The following VTN variants were observed in gnomAD, a reference collection of about 807,000 sequenced individuals.
VTN encodes the protein complement S-protein.
VTN carries 45 observed loss-of-function variants against 55.9 expected under a neutral mutation model. The observed-to-expected ratio is 0.80, with a 90% CI of 0.63 to 1.03. The LOEUF is 1.03. VTN is among the 50% of genes least tolerant of loss of function. The pLI, the probability that VTN is intolerant of heterozygous loss-of-function variation, is 0.00. For missense variants in VTN, 589 were observed against 638.2 expected, an observed-to-expected ratio of 0.92 and a Z score of 0.83; for synonymous variants, 238 against 242.3, an observed-to-expected ratio of 0.98 and a Z score of 0.17.
In VTN at chr17:28,367,846, C is replaced by T. The variant is rs201964332; in HGVS notation, c.1193G>A (p.Arg398His). Residue 398 changes from arginine to histidine, a missense_variant, in exon 7 of 8, where the codon CGC becomes CAC. This residue lies in a region of VTN where 334 missense variants were observed against 328.2 expected (regional missense o/e 1.02). Coordinates refer to ENST00000226218, the MANE Select transcript of VTN (RefSeq NM_000638.4). Reference protein sequence around the residue: ...GRNQNSRRPSRATWLSLFSSE... With the variant: ...GRNQNSRRPSHATWLSLFSSE... ...GGAGAACAAGGACAGCCACGTGGCG[C>T]GGGATGGCCGGCGGGAGTTCTGGTT... The T allele has an allele frequency of 1.7e-5, 27 of 1,614,088 alleles. No homozygotes were observed. Among genetic ancestry groups the T allele is most frequent in the East Asian group, 4.5e-5 (2 of 44,864 alleles).
At chr17:28,368,262 C>G (rs2067923621) in intron 6 of VTN, among the ~76,000 whole-genome samples, 1 of 151,530 alleles carries the variant, frequency 6.6e-6, no homozygotes, top group Admixed American at 6.6e-5. Context: ...CCCACCCCCC[C>G]AGGCCCCCTA....
Position 28,367,306 on chromosome 17 carries a change from G to A in VTN, c.*63C>T. 3.4e-6 allele frequency: 4 copies of A among 1,173,796 alleles called. No individual in the cohort carries two copies. Among genetic ancestry groups the A allele is most frequent in the Non-Finnish European group, 4.9e-6 (4 of 824,214 alleles). The allele number at this position is 1,173,796 out of a possible 1,614,324, so 72.7% of individuals were successfully genotyped here. ...AACTCGGGGCTAAGGGACCTTTATT[G>A]GGCTGGGGGAAGGAGATGGGAGGAG... On this transcript the variant is annotated 3_prime_UTR_variant, in exon 8 of 8. Coordinates refer to ENST00000226218, the MANE Select transcript of VTN (RefSeq NM_000638.4).
chr17:28,369,979 G>A lies in VTN; in HGVS notation c.132C>T (p.Cys44=). ...CTGTGCAGCAGCTCTGGTAGTAAGA[G>A]CAGAGCTCGTCACACTGGCACTTCT... ...VDKKCQCDEL[C]SYYQSCCTDY... Residue 44 remains cysteine, a synonymous_variant, in exon 2 of 8, where the codon TGC becomes TGT. Transcript: ENST00000226218. The surrounding 1 kb of genome is among the most constrained non-coding windows in gnomAD (Gnocchi z 5.3). The A allele has an allele frequency of 1.2e-6, 2 of 1,614,114 alleles. No homozygotes were observed. The highest frequency in any genetic ancestry group is 1.7e-6 in the Non-Finnish European group (2 of 1,180,032).
At position 28,369,586 on chromosome 17, in the gene VTN, T is replaced by C; in HGVS notation, c.450A>G (p.Pro150=). ...TCCCACTGCACAGCTCCTCCTCTGC[T>C]GGGGGCTGAGGTCTCCCTGGATGAA... ...ETLHPGRPQP[P]AEEELCSGKP... Residue 150 remains proline (P), a synonymous_variant, in exon 3 of 8, where the codon CCA becomes CCG. Transcript: ENST00000226218. This position sits in a 1 kb window ranked among gnomAD's most constrained non-coding sequence, Gnocchi z 5.3. The C allele has an allele frequency of 1.2e-6, 2 of 1,613,346 alleles. No individual in the cohort carries two copies. The highest frequency in any genetic ancestry group is 1.7e-6 in the Non-Finnish European group (2 of 1,180,004).
rs782717484 is a variant in VTN, at chr17:28,369,046, T to A, written c.670-18A>T. ...TGACTACCCTAAGAGGTGGGGAAAG[T>A]GAAAAGGGGTATGGAGGCCGCTGGC... On this transcript the variant is annotated intron_variant, in intron 4 of 7. Coordinates refer to ENST00000226218, the MANE Select transcript of VTN (RefSeq NM_000638.4). This position sits in a 1 kb window ranked among gnomAD's most constrained non-coding sequence, Gnocchi z 5.3. The A allele has an allele frequency of 5.1e-6, 8 of 1,569,892 alleles. No homozygotes were observed. The highest frequency in any genetic ancestry group is 6.9e-6 in the Non-Finnish European group (8 of 1,163,718).
In VTN at chr17:28,368,624, C is replaced by T. The variant is rs782613309; in HGVS notation, c.876G>A (p.Glu292=). The T allele has an allele frequency of 6.2e-7, 1 of 1,613,988 alleles. No homozygotes were observed. The highest frequency in any genetic ancestry group is 1.1e-5 in the South Asian group (1 of 91,062). The change falls in exon 6 of 8, where the codon GAG becomes GAA. Residue 292 remains glutamate (E), a synonymous_variant. Coordinates refer to ENST00000226218, the MANE Select transcript of VTN (RefSeq NM_000638.4). ...YQFQHQPSQE[E]CEGSSLSAVF... is the part of the protein sequence containing the mutation. ...CAGCCGACAGGGAGCTGCCTTCACA[C>T]TCCTCCTGACTGGGCTGGTGCTGGA...
chr17:28,367,314 G>C lies in VTN; in HGVS notation c.*55C>G, dbSNP rs2067912922. 8.0e-7 allele frequency: 1 copy of C among 1,253,638 alleles called. No individual in the cohort carries two copies. Among genetic ancestry groups the C allele is most frequent in the Non-Finnish European group, 1.1e-6 (1 of 891,658 alleles). The allele number at this position is 1,253,638 out of a possible 1,614,324, so 77.7% of individuals were successfully genotyped here. ...GCTAAGGGACCTTTATTGGGCTGGGGGAAGGAGATGGGAGGAGGGAGCTAC... is the reference window on the plus strand; with the variant it reads ...GCTAAGGGACCTTTATTGGGCTGGGCGAAGGAGATGGGAGGAGGGAGCTAC... On this transcript the variant is annotated 3_prime_UTR_variant, in exon 8 of 8. Transcript: ENST00000226218.
chr17:28,367,525 C>T, intron 7 of VTN, 44 bp from the exon 8 acceptor site: 1 of 1,548,942 alleles, frequency 6.5e-7, no homozygotes, highest in Non-Finnish European at 8.9e-7. Flanking sequence ...CCAGCCTGGC[C>T]CTGCCCACTC....
At position 28,367,323 on chromosome 17, in the gene VTN, T is replaced by G; in HGVS notation, c.*46A>C. ...CCTTTATTGGGCTGGGGGAAGGAGA[T>G]GGGAGGAGGGAGCTACAGAGGGCCC... On this transcript the variant is annotated 3_prime_UTR_variant, in exon 8 of 8. Coordinates refer to ENST00000226218, the MANE Select transcript of VTN (RefSeq NM_000638.4). 1 of 1,336,860 alleles carries G rather than the reference T, an allele frequency of 7.5e-7. No individual in the cohort carries two copies. The highest frequency in any genetic ancestry group is 1.0e-6 in the Non-Finnish European group (1 of 964,874). 82.8% of individuals were successfully genotyped at this position (1,336,860 alleles called of 1,614,324 possible). A position where few individuals can be genotyped will look rare whatever the true frequency, so the allele number is the denominator to read the frequency against.
Position 28,369,558 on chromosome 17 carries a change from G to A in VTN, c.478C>T (p.Pro160Ser), listed in dbSNP as rs1555583633. The stretch of plus-strand genomic sequence containing the variant: ...TTGAGGTCGGTGAAGGCGTCGAAGG[G>A]CTTCCCACTGCACAGCTCCTCCTCT... ...PAEEELCSGK[P>S]FDAFTDLKNG... Residue 160 changes from proline (P) to serine (S), a missense_variant, in exon 3 of 8, where the codon CCC (proline) becomes TCC (serine). Transcript: ENST00000226218. The surrounding 1 kb of genome is among the most constrained non-coding windows in gnomAD (Gnocchi z 5.3). 6.2e-7 allele frequency: 1 copy of A among 1,611,822 alleles called. No individual in the cohort carries two copies. Among genetic ancestry groups the A allele is most frequent in the Non-Finnish European group, 8.5e-7 (1 of 1,179,940 alleles).
At position 28,368,196 on chromosome 17, in the gene VTN, C is replaced by T. The variant is rs1377300465; in HGVS notation, c.980-137G>A. The T allele has an allele frequency of 5.0e-6, 4 of 805,708 alleles. No individual in the cohort carries two copies. In the African/African-American group the frequency reaches 6.9e-5, roughly 14 times the overall value. 49.9% of individuals were successfully genotyped at this position (805,708 alleles called of 1,614,324 possible). Reference sequence around the variant, plus strand: ...ATGGCAGAGCCAGGCCTTTGACTCTCAGTCCAATTCCCTTCCCCCTGTGCT... The same window carrying T: ...ATGGCAGAGCCAGGCCTTTGACTCTTAGTCCAATTCCCTTCCCCCTGTGCT... On this transcript the variant is annotated intron_variant, in intron 6 of 7. Transcript: ENST00000226218.
chr17:28,367,716 T>G lies in VTN; in HGVS notation c.1323A>C (p.Gly441=), dbSNP rs1555583210. The G allele has an allele frequency of 6.2e-7, 1 of 1,607,258 alleles. No individual in the cohort carries two copies. Among genetic ancestry groups the G allele is most frequent in the East Asian group, 2.2e-5 (1 of 44,692 alleles). Residue 441 remains glycine, a splice_region_variant and synonymous_variant, in exon 7 of 8, where the codon GGA becomes GGC. Coordinates refer to ENST00000226218, the MANE Select transcript of VTN (RefSeq NM_000638.4). Reference sequence around the variant, plus strand: ...TTCAGGGGTGGCAGCGGCTCCTACCTCCAGAGAAGAAGAAGACACTCTGGA... The same window carrying G: ...TTCAGGGGTGGCAGCGGCTCCTACCGCCAGAGAAGAAGAAGACACTCTGGA... The part of the protein sequence containing the change: ...EPIQSVFFFS[G]DKYYRVNLRT...
intron 6 of VTN, 41 bp from the exon 7 acceptor site, chr17:28,368,100 G>A (rs373802114): frequency 1.3e-4 from 203 of 1,506,164 alleles, no homozygotes; most frequent in African/African-American, 2.9e-4. Context: ...TTGGGGGTCC[G>A]AATCTTGCCC....
intron 7 of VTN, 97 bp downstream of exon 7, chr17:28,367,616 CTG>C: frequency 6.9e-7 from 1 of 1,441,872 alleles, no homozygotes; most frequent in Non-Finnish European, 9.6e-7. Context: ...GCCTGGCTTT[CTG>C]TGGTCACTAC....
At position 28,369,209 on chromosome 17, in the gene VTN, C is replaced by T. The variant is rs1555583535; in HGVS notation, c.669+80G>A. The T allele has an allele frequency of 1.4e-5, 22 of 1,517,874 alleles. No homozygotes were observed. The South Asian group carries it at 2.4e-4, about 16-fold the overall frequency. The allele number at this position is 1,517,874 out of a possible 1,614,324, so 94.0% of individuals were successfully genotyped here. The stretch of plus-strand genomic sequence containing the variant: ...CCTGCAGGGCCCTGGGTCCAGCTTC[C>T]CTGTCCACCCTGTCCCTGGGAGCAA... On this transcript the variant is annotated intron_variant, in intron 4 of 7. Transcript: ENST00000226218. This position sits in a 1 kb window ranked among gnomAD's most constrained non-coding sequence, Gnocchi z 5.3.
In VTN at chr17:28,368,657, C is replaced by T. The variant is rs1412476022; in HGVS notation, c.843G>A (p.Glu281=). 2 of 1,613,654 alleles carry T rather than the reference C, an allele frequency of 1.2e-6. No homozygotes were observed. The highest frequency in any genetic ancestry group is 1.7e-6 in the Non-Finnish European group (2 of 1,179,988). Residue 281 remains glutamate (E), a synonymous_variant, in exon 6 of 8, where the codon GAG becomes GAA. Transcript: ENST00000226218. The part of the protein sequence containing the change: ...VYFFKGKQYW[E]YQFQHQPSQE... ...GACTGGGCTGGTGCTGGAACTGGTA[C>T]TCCCAGTACTGTTTCCCTGAGGAGC...
chr17:28,367,515 C>T, intron 7 of VTN, 34 bp from the exon 8 acceptor site: 2 of 1,574,896 alleles, frequency 1.3e-6, no homozygotes, highest in Non-Finnish European at 1.7e-6. Context: ...TGCGTGAGGC[C>T]CAGCCTGGCC....
At position 28,368,931 on chromosome 17, in the gene VTN, G is replaced by C. The variant is rs1555583475; in HGVS notation, c.767C>G (p.Ala256Gly). The C allele has an allele frequency of 9.3e-6, 15 of 1,607,758 alleles. No individual in the cohort carries two copies. Among genetic ancestry groups the C allele is most frequent in the South Asian group, 1.1e-5 (1 of 90,192 alleles). Reference protein sequence around the residue: ...GFDGIPDNVDAALALPAHSYS... With the variant: ...GFDGIPDNVDGALALPAHSYS... ...GCTATGGGCAGGGAGGGCCAAGGCT[G>C]CATCCACGTTGTCCGGGATGCCATC... The change falls in exon 5 of 8, where the codon GCA (alanine) becomes GGA (glycine). Residue 256 changes from alanine to glycine, a missense_variant. Ala to Gly is a moderately conservative substitution (Grantham distance 60, BLOSUM62 0). Transcript: ENST00000226218.
In VTN at chr17:28,367,883, T is replaced by C; in HGVS notation, c.1156A>G (p.Ser386Gly). 1 of 1,613,802 alleles carries C rather than the reference T, an allele frequency of 6.2e-7. No homozygotes were observed. The highest frequency in any genetic ancestry group is 8.5e-7 in the Non-Finnish European group (1 of 1,179,852). The change falls in exon 7 of 8, where the codon AGC (serine) becomes GGC (glycine). Residue 386 changes from serine to glycine, a missense_variant. This residue lies in a region of VTN where 334 missense variants were observed against 328.2 expected (regional missense o/e 1.02). Coordinates refer to ENST00000226218, the MANE Select transcript of VTN (RefSeq NM_000638.4). ...RKGYRSQRGH[S>G]RGRNQNSRRP... Reference sequence around the variant, plus strand: ...CGGGAGTTCTGGTTGCGGCCACGGCTGTGGCCTCGTTGTGAACGGTAGCCT... The same window carrying C: ...CGGGAGTTCTGGTTGCGGCCACGGCCGTGGCCTCGTTGTGAACGGTAGCCT...
Sources: allele counts gnomAD v4.1 joint callset (sites outside exome capture counted in the v4.1 genomes callset), GRCh38; gene constraint gnomAD v4.1.1; regional missense constraint gnomAD v4.1.1; non-coding constraint Gnocchi (gnomAD v3.1); transcripts MANE v1.5; gene names NCBI Gene and HGNC (gene_info 2026-07-23, HGNC 2026-07-21).